Variants in ULBP1 observed in about 807,000 individuals in gnomAD.
ULBP1 encodes the protein UL16-binding protein 1.
ULBP1 carries 28 observed loss-of-function variants against 25.3 expected under a neutral mutation model. The observed-to-expected ratio is 1.10, with a 90% CI of 0.82 to 1.51. The LOEUF (loss-of-function observed/expected upper bound fraction) is 1.51, where lower values mean the gene tolerates loss of function less well. Among genes scored for constraint, ULBP1 ranks in the 40% most tolerant of loss-of-function variants. The pLI, the probability that ULBP1 is intolerant of heterozygous loss-of-function variation, is 0.00. For synonymous variants in ULBP1, 129 were observed against 103.0 expected (o/e 1.25, Z -1.53); for missense variants, 348 against 290.9 (o/e 1.20, Z -1.43).
At chr6:149,968,352 C>A (rs1396195756) in intron 1 of ULBP1, among the ~76,000 whole-genome samples, 1 of 152,158 alleles carries the variant, frequency 6.6e-6, no homozygotes, top group African/African-American at 2.4e-5. Context: ...TGACTGATGT[C>A]GGCACAGAGC....
At chr6:149,971,135 G>T (rs1301912030) in intron 4 of ULBP1, among the ~76,000 whole-genome samples, 4 of 152,194 alleles carry the variant, frequency 2.6e-5, no homozygotes, top group Non-Finnish European at 5.9e-5. Context: ...CTCATTACCA[G>T]CCTCAGTTGT....
intron 1 of ULBP1, among the ~76,000 whole-genome samples, chr6:149,965,902 C>T (rs1216463675): frequency 4.6e-5 from 7 of 152,150 alleles, no homozygotes; most frequent in Non-Finnish European, 8.8e-5. Context: ...CCAACTAGCA[C>T]CTTGTCCCCT....
In ULBP1 at chr6:149,964,143, G is replaced by A. The variant is rs564799311; in HGVS notation, c.85+9G>A. On this transcript the variant is annotated intron_variant, in intron 1 of 4. Coordinates refer to ENST00000229708, the MANE Select transcript of ULBP1 (RefSeq NM_025218.4). The stretch of plus-strand genomic sequence containing the variant: ...CCGGGCAGGATGGGTCGGTGAGTTC[G>A]GGGATGTAGCCTAAGCAGGGCGGGG... The A allele has an allele frequency of 9.3e-6, 15 of 1,614,124 alleles. No individual in the cohort carries two copies. Among genetic ancestry groups the A allele is most frequent in the African/African-American group, 1.3e-5 (1 of 75,052 alleles).
chr6:149,965,799 C>T (rs553407116), intron 1 of ULBP1, among the ~76,000 whole-genome samples: 1 of 152,218 alleles, frequency 6.6e-6, no homozygotes, highest in Non-Finnish European at 1.5e-5. Flanking sequence ...ACCCAGGTCG[C>T]ATCCTTTCAC....
chr6:149,965,815 A>G (rs1413641065), intron 1 of ULBP1, among the ~76,000 whole-genome samples: 5 of 151,504 alleles, frequency 3.3e-5, no homozygotes, highest in African/African-American at 7.3e-5. Context: ...TTCACTCCCC[A>G]TCTCAGCTCA....
chr6:149,970,716 G>C (rs561577751), intron 4 of ULBP1, among the ~76,000 whole-genome samples: 43 of 152,360 alleles, frequency 2.8e-4, no homozygotes, highest in Non-Finnish European at 3.2e-4. Context: ...GTGAGATTTA[G>C]GAAAAGGCCA....
Position 149,973,631 on chromosome 6 carries a change from A to G in ULBP1, c.*2285A>G, listed in dbSNP as rs142994692. Reference sequence around the variant, plus strand: ...ATAAGTTGTATGATGATAATTGTATAAAAATTTGTATGATGATAATTGTAT... The same window carrying G: ...ATAAGTTGTATGATGATAATTGTATGAAAATTTGTATGATGATAATTGTAT... On this transcript the variant is annotated 3_prime_UTR_variant, in exon 5 of 5. Transcript: ENST00000229708. 1.3e-5 allele frequency: 2 copies of G among 152,328 alleles called. No individual in the cohort carries two copies. Among genetic ancestry groups the G allele is most frequent in the Admixed American group, 6.5e-5 (1 of 15,300 alleles). The allele number at this position is 152,328 out of a possible 1,614,324, so 9.4% of individuals were successfully genotyped here.
At position 149,972,541 on chromosome 6, in the gene ULBP1, A is replaced by C. The variant is rs1779336148; in HGVS notation, c.*1195A>C. The C allele has an allele frequency of 6.6e-6, 1 of 152,232 alleles. No individual in the cohort carries two copies. Among genetic ancestry groups the C allele is most frequent in the Non-Finnish European group, 1.5e-5 (1 of 68,032 alleles). The allele number at this position is 152,232 out of a possible 1,614,324, so 9.4% of individuals were successfully genotyped here. ...TTAAACTAAAGAGCTTCTGCACAGAAAAAGAAACTAGCAACACAGTAAACA... is the reference window on the plus strand; with the variant it reads ...TTAAACTAAAGAGCTTCTGCACAGACAAAGAAACTAGCAACACAGTAAACA... On this transcript the variant is annotated 3_prime_UTR_variant, in exon 5 of 5. Coordinates refer to ENST00000229708, the MANE Select transcript of ULBP1 (RefSeq NM_025218.4).
At position 149,971,490 on chromosome 6, in the gene ULBP1, G is replaced by A. The variant is rs1014200557; in HGVS notation, c.*144G>A. Reference sequence around the variant, plus strand: ...AAAGCAGGAGTTCAAGCCTTAGCAAGCCCAGAGGCCCCCAGCAGACGATGA... The same window carrying A: ...AAAGCAGGAGTTCAAGCCTTAGCAAACCCAGAGGCCCCCAGCAGACGATGA... On this transcript the variant is annotated 3_prime_UTR_variant, in exon 5 of 5. Transcript: ENST00000229708. 1.7e-5 allele frequency: 12 copies of A among 708,622 alleles called. No homozygotes were observed. The highest frequency in any genetic ancestry group is 6.5e-5 in the South Asian group (1 of 15,382). The allele number at this position is 708,622 out of a possible 1,614,324, so 43.9% of individuals were successfully genotyped here.
rs1326500221 is a variant in ULBP1, at chr6:149,973,440, C to T, written c.*2094C>T. The T allele has an allele frequency of 6.6e-6, 1 of 152,116 alleles. No individual in the cohort carries two copies. Among genetic ancestry groups the T allele is most frequent in the African/African-American group, 2.4e-5 (1 of 41,406 alleles). The allele number at this position is 152,116 out of a possible 1,614,324, so 9.4% of individuals were successfully genotyped here. A position where few individuals can be genotyped will look rare whatever the true frequency, so the allele number is the denominator to read the frequency against. Reference sequence around the variant, plus strand: ...CTCAAATTCTACCCATGTAACAAACCTGTATATGTACCTTGTATTATATAG... The same window carrying T: ...CTCAAATTCTACCCATGTAACAAACTTGTATATGTACCTTGTATTATATAG... On this transcript the variant is annotated 3_prime_UTR_variant, in exon 5 of 5. Transcript: ENST00000229708.
In ULBP1 at chr6:149,970,253, A is replaced by G. The variant is rs192847389; in HGVS notation, c.*22+106A>G. Reference sequence around the variant, plus strand: ...CAGAGGCCGGGAACTTCTCATCCTGACATTAGACAGATGAATGAGACCTGC... The same window carrying G: ...CAGAGGCCGGGAACTTCTCATCCTGGCATTAGACAGATGAATGAGACCTGC... On this transcript the variant is annotated intron_variant, in intron 4 of 4. Transcript: ENST00000229708. The G allele has an allele frequency of 9.1e-6, 13 of 1,429,080 alleles. No individual in the cohort carries two copies. In the East Asian group the frequency reaches 2.8e-4, roughly 31 times the overall value. The allele number at this position is 1,429,080 out of a possible 1,614,324, so 88.5% of individuals were successfully genotyped here. A position where few individuals can be genotyped will look rare whatever the true frequency, so the allele number is the denominator to read the frequency against.
At chr6:149,970,181 G>A in intron 4 of ULBP1, 34 bp downstream of exon 4, 1 of 1,548,602 alleles carries the variant, frequency 6.5e-7, no homozygotes, top group Non-Finnish European at 8.7e-7. Context: ...GGAGCAAGAG[G>A]CAGATGGGTG....
chr6:149,964,198 G>T, intron 1 of ULBP1, 64 bp downstream of exon 1: 1 of 1,577,474 alleles, frequency 6.3e-7, no homozygotes, highest in Non-Finnish European at 8.7e-7. Flanking sequence ...GGACTGCAGC[G>T]GGTTTCAGAG....
In ULBP1 at chr6:149,968,590, G is replaced by T; in HGVS notation, c.86-17G>T. The T allele has an allele frequency of 6.3e-7, 1 of 1,593,600 alleles. No homozygotes were observed. The highest frequency in any genetic ancestry group is 8.6e-7 in the Non-Finnish European group (1 of 1,166,200). On this transcript the variant is annotated splice_polypyrimidine_tract_variant and intron_variant, in intron 1 of 4. Coordinates refer to ENST00000229708, the MANE Select transcript of ULBP1 (RefSeq NM_025218.4). ...TTTCCCCCCACACCAACCCCCTCCT[G>T]TGTTTTTCTTCCACAGACACACACT...
intron 1 of ULBP1, among the ~76,000 whole-genome samples, chr6:149,964,395 C>T (rs924161342): frequency 2.7e-5 from 4 of 150,006 alleles, no homozygotes; most frequent in Non-Finnish European, 4.4e-5. Flanking sequence ...CAGCTGAAGG[C>T]ACTCAGTTCC....
At chr6:149,968,999 G>A (rs1168020243) in intron 2 of ULBP1, 86 bp from the exon 3 acceptor site, 1 of 1,563,968 alleles carries the variant, frequency 6.4e-7, no homozygotes, top group Non-Finnish European at 8.7e-7. Context: ...ATGCAGCAGA[G>A]AGAGCAAGTC....
Position 149,972,642 on chromosome 6 carries a change from A to T in ULBP1, c.*1296A>T, listed in dbSNP as rs1271772214. On this transcript the variant is annotated 3_prime_UTR_variant, in exon 5 of 5. Transcript: ENST00000229708. Reference sequence around the variant, plus strand: ...GGTCCAATATCCAGAATCTACAAGGAACTTAAACAATTCAACAAGCAAGAA... The same window carrying T: ...GGTCCAATATCCAGAATCTACAAGGTACTTAAACAATTCAACAAGCAAGAA... 6.6e-6 allele frequency: 1 copy of T among 152,232 alleles called. No homozygotes were observed. The highest frequency in any genetic ancestry group is 1.9e-4 in the East Asian group (1 of 5,206). The allele number at this position is 152,232 out of a possible 1,614,324, so 9.4% of individuals were successfully genotyped here. A position where few individuals can be genotyped will look rare whatever the true frequency, so the allele number is the denominator to read the frequency against.
intron 1 of ULBP1, among the ~76,000 whole-genome samples, chr6:149,967,196 A>G (rs1462223598): frequency 6.6e-6 from 1 of 152,224 alleles, no homozygotes; most frequent in Admixed American, 6.5e-5. Context: ...AGAGGTGTCC[A>G]TCTGTTACTT....
rs765203843 is a variant in ULBP1 at position 149,969,355 on chromosome 6, C to T, written c.620C>T (p.Pro207Leu). The change falls in exon 3 of 5, where the codon CCA becomes CTA. Residue 207 changes from proline to leucine, a missense_variant. Pro to Leu is a moderately conservative substitution (Grantham distance 98). Transcript: ENST00000229708. ...ATGTACTGGGAACAAATGCTGGATCCAACAAGTAAGTGAGAGGGGGATAAA... is the reference window on the plus strand; with the variant it reads ...ATGTACTGGGAACAAATGCTGGATCTAACAAGTAAGTGAGAGGGGGATAAA... The part of the protein sequence containing the change: ...FLMYWEQMLD[P>L]TKPPSLAPGT... 6.8e-6 allele frequency: 11 copies of T among 1,612,146 alleles called. No homozygotes were observed. The highest frequency in any genetic ancestry group is 9.3e-6 in the Non-Finnish European group (11 of 1,178,494).
Sources: gnomAD v4.1 joint callset for allele counts (sites outside exome capture counted in the v4.1 genomes callset) on GRCh38, gnomAD v4.1.1 for gene constraint, MANE v1.5 for transcripts, NCBI Gene and HGNC (gene_info 2026-07-23, HGNC 2026-07-21) for gene names.